TENM3: variants seen among roughly 807,000 people sequenced by gnomAD.
TENM3 encodes the protein teneurin-3.
A neutral mutation model predicts 255.1 loss-of-function variants in TENM3; 63 were observed. The ratio of observed to expected loss-of-function variants is 0.25; its 90% CI spans 0.20 to 0.30. The LOEUF (loss-of-function observed/expected upper bound fraction) is 0.30. TENM3 is among the 10% of genes least tolerant of loss of function. The pLI, the probability that TENM3 is intolerant of heterozygous loss-of-function variation, is 1.00. For synonymous variants in TENM3, 1,306 were observed against 1,322.3 expected, an observed-to-expected ratio of 0.99 and a Z score of 0.27; for missense variants, 2,929 against 3,461.1, an observed-to-expected ratio of 0.85 and a Z score of 3.86.
At chr4:181,669,508 T>C in the TENM3 span, among the ~76,000 whole-genome samples, 1 of 152,152 alleles carries the variant, frequency 6.6e-6, no homozygotes, top group Admixed American at 6.5e-5. Context: ...GTATAGAGCT[T>C]TACTAGATAT....
intron 3 of TENM3, among the ~76,000 whole-genome samples, chr4:182,372,363 G>A (rs6552561): frequency 0.47 from 70,666 of 151,882 alleles, 16,789 homozygotes; most frequent in East Asian, 0.74. Flanking sequence ...CATGTTTTCC[G>A]TATTAAGTAT....
chr4:182,653,736 C>T, intron 5 of TENM3, 35 bp from the exon 6 acceptor site: 1 of 1,567,132 alleles, frequency 6.4e-7, no homozygotes, highest in South Asian at 1.2e-5. Flanking sequence ...CTGAAGGCAG[C>T]AGATCTTTAA....
intron 1 of TENM3, among the ~76,000 whole-genome samples, chr4:182,247,139 C>T (rs1318650408): frequency 2.0e-5 from 3 of 152,062 alleles, no homozygotes; most frequent in Admixed American, 6.6e-5. Flanking sequence ...CAAAGAGAAA[C>T]GAGTTAGATG....
chr4:182,611,662 T>A (rs1581098081), intron 4 of TENM3, among the ~76,000 whole-genome samples: 2 of 152,336 alleles, frequency 1.3e-5, no homozygotes, highest in Admixed American at 1.3e-4. Flanking sequence ...TACATTTATT[T>A]TGCAGCAAAG....
chr4:182,169,074 T>TACACACACACACACACACAC (rs55885166), intron 1 of TENM3, among the ~76,000 whole-genome samples: 10 of 137,760 alleles, frequency 7.3e-5, no homozygotes, highest in South Asian at 2.4e-4. Context: ...AATCATGCCA[T>TACACACACACACACACACAC]ACACACACAC....
intron 3 of TENM3, among the ~76,000 whole-genome samples, chr4:182,501,768 C>A (rs940999899): frequency 1.6e-4 from 25 of 152,086 alleles, no homozygotes; most frequent in African/African-American, 6.0e-4. Flanking sequence ...TCCATTCTGG[C>A]GATATAGTTA....
intron 2 of TENM3, among the ~76,000 whole-genome samples, chr4:182,326,553 T>G (rs1763424160): frequency 6.6e-6 from 1 of 152,098 alleles, no homozygotes; most frequent in Non-Finnish European, 1.5e-5. Flanking sequence ...TTAATTAATT[T>G]AGTGACAAGC....
chr4:182,410,983 G>T (rs1270579457), intron 3 of TENM3, among the ~76,000 whole-genome samples: 1 of 152,048 alleles, frequency 6.6e-6, no homozygotes. Flanking sequence ...TTAATTATTT[G>T]ACTCATATTT....
chr4:181,514,989 G>C, the TENM3 span, among the ~76,000 whole-genome samples: 1 of 152,132 alleles, frequency 6.6e-6, no homozygotes, highest in Non-Finnish European at 1.5e-5. Context: ...AATTCTCTAA[G>C]GACTGGCTTT....
intron 1 of TENM3, among the ~76,000 whole-genome samples, chr4:182,145,732 G>A (rs1410294459): frequency 6.6e-6 from 1 of 152,236 alleles, no homozygotes; most frequent in Non-Finnish European, 1.5e-5. Flanking sequence ...ATGAAAGGCT[G>A]AGAGCTGTCC....
chr4:182,772,190 A>G (rs779027915), intron 22 of TENM3, among the ~76,000 whole-genome samples: 1 of 151,466 alleles, frequency 6.6e-6, no homozygotes, highest in Non-Finnish European at 1.5e-5. Flanking sequence ...ATGTTTCACG[A>G]AAAACCCCTA....
the TENM3 span, among the ~76,000 whole-genome samples, chr4:181,804,772 G>A: frequency 6.6e-6 from 1 of 152,188 alleles, no homozygotes; most frequent in African/African-American, 2.4e-5. Context: ...CTACTCAGGA[G>A]CCTGAGGCAG....
At chr4:181,570,034 T>A in the TENM3 span, among the ~76,000 whole-genome samples, 1 of 138,420 alleles carries the variant, frequency 7.2e-6, no homozygotes, top group Non-Finnish European at 1.5e-5. Flanking sequence ...TACAAATGTT[T>A]CTTTTTTTTT....
chr4:181,870,440 T>A, the TENM3 span, among the ~76,000 whole-genome samples: 1 of 152,156 alleles, frequency 6.6e-6, no homozygotes, highest in Admixed American at 6.6e-5. Flanking sequence ...GGATGAGCAC[T>A]CCATTTGTCC....
intron 4 of TENM3, among the ~76,000 whole-genome samples, chr4:182,606,388 G>T (rs997536303): frequency 2.0e-5 from 3 of 151,992 alleles, no homozygotes; most frequent in African/African-American, 7.2e-5. Context: ...GCCAGGCGGG[G>T]TGGTGGGCAC....
chr4:182,019,667 A>G, the TENM3 span, among the ~76,000 whole-genome samples: 1 of 152,092 alleles, frequency 6.6e-6, no homozygotes, highest in East Asian at 1.9e-4. Flanking sequence ...AAAGATATTT[A>G]CTTGGGTTGT....
the TENM3 span, among the ~76,000 whole-genome samples, chr4:181,733,301 G>A: frequency 6.6e-6 from 1 of 152,180 alleles, no homozygotes; most frequent in South Asian, 2.1e-4. Context: ...GTCTTAAAAT[G>A]TAGTTATTTT....
chr4:182,775,956 T>C (rs922295442), intron 24 of TENM3, among the ~76,000 whole-genome samples: 3 of 151,034 alleles, frequency 2.0e-5, no homozygotes, highest in Admixed American at 6.6e-5. Context: ...GATATGTAGA[T>C]GATAGATAGA....
intron 4 of TENM3, among the ~76,000 whole-genome samples, chr4:182,618,622 T>A (rs1181417150): frequency 6.9e-6 from 1 of 144,394 alleles, no homozygotes; most frequent in Non-Finnish European, 1.5e-5. Context: ...ACATGGGGTT[T>A]AAAAAAAAAA....
Sources: gnomAD v4.1 joint callset for allele counts (sites outside exome capture counted in the v4.1 genomes callset) on GRCh38, gnomAD v4.1.1 for gene constraint, MANE v1.5 for transcripts, NCBI Gene and HGNC (gene_info 2026-07-23, HGNC 2026-07-21) for gene names.